Variants in ST18 observed in about 807,000 individuals in gnomAD.
ST18 encodes the protein suppression of tumorigenicity 18 protein.
Under a neutral mutation model 110.0 loss-of-function variants are expected in ST18, and 50 were observed. That is an observed-to-expected ratio of 0.45 (90% CI 0.36 to 0.58). The LOEUF is 0.58. Among genes scored for constraint, ST18 ranks in the 20% least tolerant of loss-of-function variants. ST18 has a pLI of 0.00. For missense variants in ST18, 1,306 were observed against 1,280.1 expected, an observed-to-expected ratio of 1.02 and a Z score of -0.31; for synonymous variants, 461 against 452.4, an observed-to-expected ratio of 1.02 and a Z score of -0.24.
At chr8:52,213,419 C>T (rs1441127944) in intron 7 of ST18, among the ~76,000 whole-genome samples, 1 of 148,860 alleles carries the variant, frequency 6.7e-6, no homozygotes, top group Non-Finnish European at 1.5e-5. Context: ...CACGGCTTTG[C>T]CACAGCTTTT....
At chr8:52,128,713 A>G (rs2048050098) in intron 22 of ST18, among the ~76,000 whole-genome samples, 1 of 152,156 alleles carries the variant, frequency 6.6e-6, no homozygotes, top group Non-Finnish European at 1.5e-5. Flanking sequence ...CATGGTGAGG[A>G]CCCATCATTA....
chr8:52,202,109 C>T (rs541292582), intron 8 of ST18, among the ~76,000 whole-genome samples: 2 of 151,996 alleles, frequency 1.3e-5, no homozygotes, highest in East Asian at 3.9e-4. Context: ...GTTCTTATCA[C>T]AATAAAATAA....
intron 2 of ST18, among the ~76,000 whole-genome samples, chr8:52,384,791 G>GTA (rs1457858050): frequency 5.5e-5 from 8 of 144,446 alleles, no homozygotes. Flanking sequence ...ACACAGGTGT[G>GTA]TGTGTGTGTG....
chr8:52,154,972 C>A (rs531915177), intron 15 of ST18: 1 of 151,820 alleles, frequency 6.6e-6, no homozygotes. Flanking sequence ...GAGGCCGAGA[C>A]GGGCGGATCA....
At chr8:52,315,900 T>G (rs933376173) in intron 2 of ST18, among the ~76,000 whole-genome samples, 4 of 152,182 alleles carry the variant, frequency 2.6e-5, no homozygotes, top group African/African-American at 9.6e-5. Context: ...CTTATGAAAA[T>G]GAAAATTATT....
intron 2 of ST18, among the ~76,000 whole-genome samples, chr8:52,318,128 G>T (rs2096062310): frequency 6.6e-6 from 1 of 152,052 alleles, no homozygotes; most frequent in African/African-American, 2.4e-5. Flanking sequence ...TGCAATCTAT[G>T]CATCTAACAA....
intron 2 of ST18, among the ~76,000 whole-genome samples, chr8:52,257,234 C>T (rs1430333030): frequency 6.6e-6 from 1 of 152,168 alleles, no homozygotes; most frequent in African/African-American, 2.4e-5. Context: ...CATAAGGCTA[C>T]TATAAACATT....
intron 2 of ST18, among the ~76,000 whole-genome samples, chr8:52,271,252 A>G (rs973504700): frequency 2.0e-5 from 3 of 152,212 alleles, no homozygotes; most frequent in Admixed American, 6.5e-5. Context: ...AAGTGTATCC[A>G]TGTATTTAAA....
At chr8:52,230,251 T>C (rs1260962863) in intron 2 of ST18, among the ~76,000 whole-genome samples, 174 bp from the exon 3 acceptor site, 3 of 152,174 alleles carry the variant, frequency 2.0e-5, no homozygotes, top group Admixed American at 6.5e-5. Context: ...TCAAACAATA[T>C]TCATTTGAAA....
At chr8:52,347,212 A>G (rs1818174385) in intron 2 of ST18, among the ~76,000 whole-genome samples, 1 of 152,250 alleles carries the variant, frequency 6.6e-6, no homozygotes, top group East Asian at 1.9e-4. Context: ...TAAATAATAT[A>G]AATAGTAAAT....
chr8:52,255,036 C>T (rs1410399960), intron 2 of ST18, among the ~76,000 whole-genome samples: 7 of 152,156 alleles, frequency 4.6e-5, no homozygotes, highest in African/African-American at 1.7e-4. Flanking sequence ...GCTTGGTAAA[C>T]ACAAGCCCCA....
Position 52,131,954 on chromosome 8 carries a change from T to C in ST18, c.2666+4A>G. ...ACAACAAAAAGACAGAAAACTCATG[T>C]TACCTTCGGTGGGTGACAAAAACAT... is the stretch of plus-strand genomic sequence containing the variant. On this transcript the variant is annotated splice_donor_region_variant and intron_variant, in intron 22 of 25. Coordinates refer to ENST00000689386, the MANE Select transcript of ST18 (RefSeq NM_001352837.2). The C allele has an allele frequency of 1.9e-6, 3 of 1,613,898 alleles. No homozygotes were observed. Among genetic ancestry groups the C allele is most frequent in the Non-Finnish European group, 2.5e-6 (3 of 1,179,866 alleles).
chr8:52,366,515 G>A (rs1827996138), intron 2 of ST18, among the ~76,000 whole-genome samples: 1 of 152,194 alleles, frequency 6.6e-6, no homozygotes, highest in Admixed American at 6.5e-5. Context: ...CTGTCAATAA[G>A]TCTTGCTCGT....
At chr8:52,337,004 A>G (rs916908707) in intron 2 of ST18, among the ~76,000 whole-genome samples, 1 of 152,240 alleles carries the variant, frequency 6.6e-6, no homozygotes, top group Non-Finnish European at 1.5e-5. Context: ...TGATTTTGAC[A>G]AAAAGTAATG....
intron 2 of ST18, among the ~76,000 whole-genome samples, chr8:52,344,913 TA>T (rs1817012570): frequency 6.6e-6 from 1 of 152,196 alleles, no homozygotes; most frequent in Admixed American, 6.5e-5. Context: ...AGGTATGTAT[TA>T]TTGTTATTAT....
At chr8:52,231,793 C>T (rs1170571237) in intron 2 of ST18, among the ~76,000 whole-genome samples, 1 of 152,156 alleles carries the variant, frequency 6.6e-6, no homozygotes, top group Admixed American at 6.5e-5. Context: ...TCTTAAGTGG[C>T]ACATTCTGGT....
intron 2 of ST18, among the ~76,000 whole-genome samples, chr8:52,363,631 A>G (rs967713720): frequency 1.3e-5 from 2 of 152,228 alleles, no homozygotes; most frequent in Non-Finnish European, 2.9e-5. Flanking sequence ...TTCAACATAT[A>G]TTAAGCATGT....
At chr8:52,233,556 A>G (rs140315989) in intron 2 of ST18, among the ~76,000 whole-genome samples, 1 of 152,176 alleles carries the variant, frequency 6.6e-6, no homozygotes, top group Non-Finnish European at 1.5e-5. Context: ...CTCTCCTTGG[A>G]TGGCTTTCAA....
At chr8:52,279,697 A>G (rs2095339032) in intron 2 of ST18, among the ~76,000 whole-genome samples, 2 of 152,224 alleles carry the variant, frequency 1.3e-5, no homozygotes, top group African/African-American at 2.4e-5. Context: ...ACAACAAAAA[A>G]GAAGCCAGAT....
Sources: allele counts gnomAD v4.1 joint callset (sites outside exome capture counted in the v4.1 genomes callset), GRCh38; gene constraint gnomAD v4.1.1; transcripts MANE v1.5; gene names NCBI Gene and HGNC (gene_info 2026-07-23, HGNC 2026-07-21).